PSD2: variants seen among roughly 807,000 people sequenced by gnomAD.
The protein encoded by PSD2 is PH and SEC7 domain-containing protein 2.
In PSD2, 38 loss-of-function variants were observed where a neutral mutation model predicts 69.8. That is an observed-to-expected ratio of 0.54 (90% confidence interval 0.42 to 0.71). The LOEUF (loss-of-function observed/expected upper bound fraction) is 0.71. PSD2 is among the 30% of genes least tolerant of loss of function. The pLI, the probability that PSD2 is intolerant of heterozygous loss-of-function variation, is 0.00. For synonymous variants in PSD2, 412 were observed against 423.0 expected (o/e 0.97, Z 0.32); for missense variants, 943 against 1,014.5 (o/e 0.93, Z 0.96).
In PSD2 at chr5:139,815,150, C is replaced by T. The variant is rs549011519; in HGVS notation, c.1016+786C>T. ...GCCTCAGGATGCCCTGAGGGCGGCT[C>T]AGGTCCTGGATCCTCCTCTTCTCTC... On this transcript the variant is annotated intron_variant, in intron 4 of 14. Coordinates refer to ENST00000274710, the MANE Select transcript of PSD2 (RefSeq NM_032289.4). Among the ~76,000 whole-genome samples the T allele has an allele frequency of 2.6e-5, 4 of 152,280 alleles. No individual in the cohort carries two copies. In the East Asian group the frequency reaches 7.8e-4, roughly 30 times the overall value.
chr5:139,828,065 G>A (rs960116302), intron 7 of PSD2, among the ~76,000 whole-genome samples: 1 of 152,110 alleles, frequency 6.6e-6, no homozygotes, highest in Non-Finnish European at 1.5e-5. Flanking sequence ...GGGTGATGAC[G>A]GGTCAGCAAA....
the PSD2 span, among the ~76,000 whole-genome samples, chr5:139,769,424 A>C: frequency 6.6e-6 from 1 of 152,150 alleles, no homozygotes; most frequent in Non-Finnish European, 1.5e-5. Flanking sequence ...CAGGGCCTCC[A>C]TGTGACCTGC....
the PSD2 span, among the ~76,000 whole-genome samples, chr5:139,757,406 C>T: frequency 0.037 from 5,620 of 152,240 alleles, 355 homozygotes; most frequent in African/African-American, 0.13. Flanking sequence ...AGTAAGTGAA[C>T]GTAGCAAAGG....
Position 139,838,551 on chromosome 5 carries a change from G to A in PSD2, c.1824-77G>A, listed in dbSNP as rs1581741671. ...GTGCCTTCTCAGTGCCAGGCCCAGT[G>A]CTGGGTACGGGATGCTGAGTAGGGG... On this transcript the variant is annotated intron_variant, in intron 12 of 14. Coordinates refer to ENST00000274710, the MANE Select transcript of PSD2 (RefSeq NM_032289.4). The A allele has an allele frequency of 7.2e-6, 11 of 1,522,948 alleles. 1 individual carries two copies. The Middle Eastern group carries it at 5.6e-4, about 77-fold the overall frequency. 94.3% of individuals were successfully genotyped at this position (1,522,948 alleles called of 1,614,324 possible). A position where few individuals can be genotyped will look rare whatever the true frequency, so the allele number is the denominator to read the frequency against.
At chr5:139,829,679 G>A (rs1265565135) in intron 7 of PSD2, among the ~76,000 whole-genome samples, 1 of 152,076 alleles carries the variant, frequency 6.6e-6, no homozygotes, top group African/African-American at 2.4e-5. Context: ...CATTTTTTAT[G>A]GCTGAATAAT....
At chr5:139,803,744 G>A (rs368684330) in intron 1 of PSD2, among the ~76,000 whole-genome samples, 14 of 152,276 alleles carry the variant, frequency 9.2e-5, no homozygotes, top group Non-Finnish European at 1.9e-4. Flanking sequence ...TTTGGGATGT[G>A]GAATCCGGGA....
the PSD2 span, among the ~76,000 whole-genome samples, chr5:139,775,651 C>T: frequency 6.6e-6 from 1 of 152,098 alleles, no homozygotes; most frequent in Non-Finnish European, 1.5e-5. Context: ...GGAGTTTCTT[C>T]GCCTGTCTTC....
the PSD2 span, among the ~76,000 whole-genome samples, chr5:139,769,709 G>A: frequency 2.2e-4 from 33 of 152,278 alleles, no homozygotes; most frequent in Non-Finnish European, 1.2e-4. Flanking sequence ...CTGGCCATGG[G>A]TGGCCTTGTG....
At chr5:139,804,486 T>C (rs1759748165) in intron 1 of PSD2, among the ~76,000 whole-genome samples, 1 of 152,190 alleles carries the variant, frequency 6.6e-6, no homozygotes, top group Non-Finnish European at 1.5e-5. Context: ...GGATCTTCCA[T>C]CAAGTGCACA....
In PSD2 at chr5:139,839,933, C is replaced by T; in HGVS notation, c.1969-94C>T. ...GGTGATGCTGGCTAGGCCTTCATTTCCCTTTGGTGGAGCAGCTCCTGGTAG... is the reference window on the plus strand; with the variant it reads ...GGTGATGCTGGCTAGGCCTTCATTTTCCTTTGGTGGAGCAGCTCCTGGTAG... On this transcript the variant is annotated intron_variant, in intron 13 of 14. Coordinates refer to ENST00000274710, the MANE Select transcript of PSD2 (RefSeq NM_032289.4). This position sits in a 1 kb window ranked among gnomAD's most constrained non-coding sequence, Gnocchi z 5.1. 1 of 1,436,736 alleles carries T rather than the reference C, an allele frequency of 7.0e-7. No individual in the cohort carries two copies. Among genetic ancestry groups the T allele is most frequent in the South Asian group, 1.3e-5 (1 of 78,952 alleles). The allele number at this position is 1,436,736 out of a possible 1,614,324, so 89.0% of individuals were successfully genotyped here. A position where few individuals can be genotyped will look rare whatever the true frequency, so the allele number is the denominator to read the frequency against.
chr5:139,817,697 G>A, intron 5 of PSD2, 136 bp downstream of exon 5: 1 of 711,478 alleles, frequency 1.4e-6, no homozygotes, highest in Non-Finnish European at 2.4e-6. Context: ...TGGGGAAGGG[G>A]CCACAGGAGC....
At chr5:139,833,520 G>A (rs1760642888) in intron 7 of PSD2, among the ~76,000 whole-genome samples, 182 bp from the exon 8 acceptor site, 1 of 152,188 alleles carries the variant, frequency 6.6e-6, no homozygotes. Flanking sequence ...TGAGAATCAA[G>A]TACAGTTCTG....
the PSD2 span, among the ~76,000 whole-genome samples, chr5:139,757,160 C>T: frequency 1.3e-5 from 2 of 152,214 alleles, no homozygotes; most frequent in Non-Finnish European, 2.9e-5. Flanking sequence ...TCTCCCACCC[C>T]TCCTGGGCTC....
chr5:139,807,304 C>T (rs1165868254), intron 1 of PSD2, among the ~76,000 whole-genome samples: 1 of 152,216 alleles, frequency 6.6e-6, no homozygotes, highest in Non-Finnish European at 1.5e-5. Context: ...AGGACTGGAA[C>T]TCAGGCAGCA....
chr5:139,763,961 C>T, the PSD2 span, among the ~76,000 whole-genome samples: 1 of 152,196 alleles, frequency 6.6e-6, no homozygotes, highest in Non-Finnish European at 1.5e-5. Context: ...GGGAAGTCAC[C>T]AAGATCCAAT....
chr5:139,813,609 C>T lies in PSD2; in HGVS notation c.672C>T (p.Arg224=), dbSNP rs1170257170. 1.9e-6 allele frequency: 3 copies of T among 1,613,768 alleles called. No homozygotes were observed. Among genetic ancestry groups the T allele is most frequent in the Non-Finnish European group, 2.5e-6 (3 of 1,179,920 alleles). The part of the protein sequence containing the change: ...GDGELGSPLR[R]SISSSRSENV... ...GGGAGCTGGGCAGCCCCCTGCGGCG[C>T]TCCATCTCCAGCAGCCGCTCTGAGA... The change falls in exon 3 of 15, where the codon CGC becomes CGT. Residue 224 remains arginine, a synonymous_variant. Transcript: ENST00000274710.
chr5:139,752,343 C>T, the PSD2 span, among the ~76,000 whole-genome samples: 12 of 152,172 alleles, frequency 7.9e-5, no homozygotes, highest in African/African-American at 2.9e-4. Flanking sequence ...CTCCCACCCA[C>T]ACATCCAGCC....
the PSD2 span, among the ~76,000 whole-genome samples, chr5:139,777,644 G>A: frequency 6.6e-6 from 1 of 152,178 alleles, no homozygotes; most frequent in Non-Finnish European, 1.5e-5. Flanking sequence ...AGCACTTTGG[G>A]AGGCCGACGT....
the PSD2 span, among the ~76,000 whole-genome samples, chr5:139,758,285 G>A: frequency 6.6e-6 from 1 of 152,124 alleles, no homozygotes; most frequent in South Asian, 2.1e-4. Context: ...AAGTGAGCTG[G>A]ATACAGCAGG....
Sources: allele counts gnomAD v4.1 joint callset (sites outside exome capture counted in the v4.1 genomes callset), GRCh38; gene constraint gnomAD v4.1.1; non-coding constraint Gnocchi (gnomAD v3.1); transcripts MANE v1.5; gene names NCBI Gene and HGNC (gene_info 2026-07-23, HGNC 2026-07-21).